Variants in ARHGEF10L observed in about 807,000 individuals in gnomAD.
The protein encoded by ARHGEF10L is rho guanine nucleotide exchange factor 10-like protein.
Under a neutral mutation model 141.2 loss-of-function variants are expected in ARHGEF10L, and 69 were observed. The ratio of observed to expected loss-of-function variants is 0.49; its 90% CI spans 0.40 to 0.60. ARHGEF10L has a LOEUF of 0.60. Among genes scored for constraint, ARHGEF10L ranks in the 20% least tolerant of loss-of-function variants. The pLI is 0.00. For synonymous variants in ARHGEF10L, 711 were observed against 718.5 expected, an observed-to-expected ratio of 0.99 and a Z score of 0.17; for missense variants, 1,482 against 1,734.3, an observed-to-expected ratio of 0.85 and a Z score of 2.58.
At chr1:17,530,932 G>A in the ARHGEF10L span, among the ~76,000 whole-genome samples, 1 of 151,896 alleles carries the variant, frequency 6.6e-6, no homozygotes, top group Non-Finnish European at 1.5e-5. Context: ...TTGAACACGG[G>A]AGGCAGAGGT....
chr1:17,625,815 C>G lies in ARHGEF10L; in HGVS notation c.1318-141C>G, dbSNP rs2060349777. On this transcript the variant is annotated intron_variant, in intron 13 of 28. Transcript: ENST00000361221. The surrounding 1 kb of genome is among the most constrained non-coding windows in gnomAD (Gnocchi z 4.5). ...TGGCTGCAGAACCACGGACCTCTCT[C>G]AGCTCTTCTTGCAAGCCCAGGGATA... The G allele has an allele frequency of 1.4e-6, 1 of 711,472 alleles. No individual in the cohort carries two copies. Among genetic ancestry groups the G allele is most frequent in the Non-Finnish European group, 2.4e-6 (1 of 419,506 alleles). The allele number at this position is 711,472 out of a possible 1,614,324, so 44.1% of individuals were successfully genotyped here.
intron 15 of ARHGEF10L, among the ~76,000 whole-genome samples, chr1:17,631,036 T>A (rs2060653490): frequency 6.7e-6 from 1 of 148,712 alleles, no homozygotes; most frequent in Non-Finnish European, 1.5e-5. Context: ...TCTATCTTTT[T>A]CTCTCTGGGG....
rs1012192474 is a variant in ARHGEF10L, at chr1:17,627,136, G to C, written c.1411-194G>C. On this transcript the variant is annotated intron_variant, in intron 14 of 28. Coordinates refer to ENST00000361221, the MANE Select transcript of ARHGEF10L (RefSeq NM_018125.4). The surrounding 1 kb of genome is among the most constrained non-coding windows in gnomAD (Gnocchi z 4.0). ...TGGGTCTATTCCTAGAAAGATCCAT[G>C]CTTTTGTTTTCTTTTTCATGCATTA... is the stretch of plus-strand genomic sequence containing the variant. Among the ~76,000 whole-genome samples, 6 of 152,220 alleles carry C rather than the reference G, an allele frequency of 3.9e-5. No homozygotes were observed. The highest frequency in any genetic ancestry group is 1.4e-4 in the African/African-American group (6 of 41,448).
intron 1 of ARHGEF10L, among the ~76,000 whole-genome samples, chr1:17,565,557 G>A (rs1016871687): frequency 3.3e-5 from 5 of 152,300 alleles, no homozygotes; most frequent in African/African-American, 7.2e-5. Context: ...CAGGTCTCCC[G>A]AAGGGAAGCC....
At chr1:17,687,549 G>T in intron 26 of ARHGEF10L, 24 bp from the exon 27 acceptor site, 2 of 1,611,486 alleles carry the variant, frequency 1.2e-6, no homozygotes, top group South Asian at 1.1e-5. Flanking sequence ...AGCCAGTATC[G>T]ACACTCCTCC....
intron 7 of ARHGEF10L, 78 bp from the exon 8 acceptor site, chr1:17,612,980 T>A (rs1185690396): frequency 1.0e-6 from 1 of 971,762 alleles, no homozygotes; most frequent in African/African-American, 1.6e-5. Flanking sequence ...TCTCCCCTGT[T>A]GTCTGTGTTT....
intron 1 of ARHGEF10L, among the ~76,000 whole-genome samples, chr1:17,541,392 C>T (rs973628462): frequency 6.6e-6 from 1 of 152,214 alleles, no homozygotes; most frequent in Admixed American, 6.5e-5. Context: ...GTGCCTGGTG[C>T]ATAGTGGGTG....
At chr1:17,631,065 C>A in intron 15 of ARHGEF10L, among the ~76,000 whole-genome samples, 1 of 150,554 alleles carries the variant, frequency 6.6e-6, no homozygotes, top group South Asian at 2.1e-4. Context: ...AGTGATCTGT[C>A]CTTTTCTGTC....
intron 12 of ARHGEF10L, 46 bp from the exon 13 acceptor site, chr1:17,624,341 C>T: frequency 6.7e-7 from 1 of 1,492,882 alleles, no homozygotes; most frequent in Non-Finnish European, 9.3e-7. Context: ...TCCTTCTGCT[C>T]CCTGCATTGA....
rs1313201206 is a variant in ARHGEF10L, at chr1:17,615,763, C to T, written c.727-331C>T. On this transcript the variant is annotated intron_variant, in intron 8 of 28. Coordinates refer to ENST00000361221, the MANE Select transcript of ARHGEF10L (RefSeq NM_018125.4). The surrounding 1 kb of genome is among the most constrained non-coding windows in gnomAD (Gnocchi z 4.7). The stretch of plus-strand genomic sequence containing the variant: ...GACGTGCCCAGAGTCATGCCATTGG[C>T]GGGTGGCCCAGGGCTCCAGGTCTCC... 6 of 228,814 alleles carry T rather than the reference C, an allele frequency of 2.6e-5. No individual in the cohort carries two copies. In the East Asian group the frequency reaches 2.7e-4, roughly 10 times the overall value. The allele number at this position is 228,814 out of a possible 1,614,324, so 14.2% of individuals were successfully genotyped here. A position where few individuals can be genotyped will look rare whatever the true frequency, so the allele number is the denominator to read the frequency against.
Position 17,695,299 on chromosome 1 carries a change from G to A in ARHGEF10L, c.3307+19G>A. ...ATCACAGGTGAGGCTTTGGGAGCTG[G>A]TGTTGGCAGGACCAGGGGGTCAGCT... On this transcript the variant is annotated intron_variant, in intron 28 of 28. Coordinates refer to ENST00000361221, the MANE Select transcript of ARHGEF10L (RefSeq NM_018125.4). 4 of 1,560,026 alleles carry A rather than the reference G, an allele frequency of 2.6e-6. No homozygotes were observed. The highest frequency in any genetic ancestry group is 3.5e-6 in the Non-Finnish European group (4 of 1,155,308).
At chr1:17,540,789 G>T (rs1355646145) in intron 1 of ARHGEF10L, among the ~76,000 whole-genome samples, 1 of 152,198 alleles carries the variant, frequency 6.6e-6, no homozygotes, top group East Asian at 1.9e-4. Flanking sequence ...CTGCCCCAGA[G>T]TCCTTGGCCT....
chr1:17,556,273 G>T (rs867164328), intron 1 of ARHGEF10L, among the ~76,000 whole-genome samples: 5,411 of 50,742 alleles, frequency 0.11, 224 homozygotes, highest in Middle Eastern at 0.22. Flanking sequence ...GCATGGCGGC[G>T]GGGGGGGGGC....
chr1:17,623,166 C>G lies in ARHGEF10L; in HGVS notation c.1191C>G (p.Phe397Leu). ...CCACCGAGAAGATCGGGGACCTCTTCGTGGCCTCGGTAAGTGTCCCCAAAC... is the reference window on the plus strand; with the variant it reads ...CCACCGAGAAGATCGGGGACCTCTTGGTGGCCTCGGTAAGTGTCCCCAAAC... ...WDSTEKIGDL[F>L]VASFSKSMVL... The change falls in exon 12 of 29, where the codon TTC becomes TTG. Residue 397 changes from phenylalanine to leucine, a missense_variant. Coordinates refer to ENST00000361221, the MANE Select transcript of ARHGEF10L (RefSeq NM_018125.4). This position sits in a 1 kb window ranked among gnomAD's most constrained non-coding sequence, Gnocchi z 4.7. The G allele has an allele frequency of 6.2e-7, 1 of 1,612,620 alleles. No homozygotes were observed. The highest frequency in any genetic ancestry group is 8.5e-7 in the Non-Finnish European group (1 of 1,179,424).
chr1:17,672,156 C>T (rs1454118085), intron 26 of ARHGEF10L, among the ~76,000 whole-genome samples: 1 of 152,118 alleles, frequency 6.6e-6, no homozygotes, highest in Non-Finnish European at 1.5e-5. Flanking sequence ...CTCTGGGCTC[C>T]TGAACACCAA....
At chr1:17,535,076 T>C (rs994544315), upstream of ARHGEF10L, among the ~76,000 whole-genome samples, 1 of 152,204 alleles carries the variant, frequency 6.6e-6, no homozygotes, top group Admixed American at 6.5e-5. Context: ...GAAATAATTA[T>C]ACAACTCACC....
intron 3 of ARHGEF10L, 50 bp from the exon 4 acceptor site, chr1:17,588,396 T>C: frequency 6.2e-7 from 1 of 1,610,106 alleles, no homozygotes; most frequent in Non-Finnish European, 8.5e-7. Context: ...CCTGAGTGCC[T>C]GGGGCCAGCC....
Position 17,558,064 on chromosome 1 carries a change from G to A in ARHGEF10L, c.-44+18114G>A, listed in dbSNP as rs544900906. Among the ~76,000 whole-genome samples the A allele has an allele frequency of 1.1e-3, 160 of 150,614 alleles. No individual in the cohort carries two copies. Among genetic ancestry groups the A allele is most frequent in the African/African-American group, 3.6e-3 (146 of 40,822 alleles). On this transcript the variant is annotated intron_variant, in intron 1 of 28. Transcript: ENST00000361221. This position sits in a 1 kb window ranked among gnomAD's most constrained non-coding sequence, Gnocchi z 4.2. ...TCTCCATTCATTTACCCACCCACCC[G>A]TGCATCCATCTGTCCATCTGTCCAT...
chr1:17,536,527 G>A (rs114704678), upstream of ARHGEF10L, among the ~76,000 whole-genome samples: 346 of 152,240 alleles, frequency 2.3e-3, 2 homozygotes, highest in African/African-American at 7.8e-3. Context: ...GTGAAGAGGC[G>A]GGTGCATGTC....
Sources: gnomAD v4.1 joint callset for allele counts (sites outside exome capture counted in the v4.1 genomes callset) on GRCh38, gnomAD v4.1.1 for gene constraint, Gnocchi (gnomAD v3.1) non-coding constraint, MANE v1.5 for transcripts, NCBI Gene and HGNC (gene_info 2026-07-23, HGNC 2026-07-21) for gene names.